GPC6: variants seen among roughly 807,000 people sequenced by gnomAD.
GPC6 encodes the protein glypican 6, also known as glypican-6.
GPC6 carries 14 observed loss-of-function variants against 55.2 expected under a neutral mutation model. The ratio of observed to expected loss-of-function variants is 0.25; its 90% CI spans 0.17 to 0.40. GPC6 has a LOEUF of 0.40. GPC6 is among the 10% of genes least tolerant of loss of function. The pLI, the probability that GPC6 is intolerant of heterozygous loss-of-function variation, is 1.00. For synonymous variants in GPC6, 278 were observed against 259.6 expected (o/e 1.07, Z -0.68); for missense variants, 641 against 708.5 (o/e 0.90, Z 1.08).
At chr13:93,636,927 GT>G (rs11299933) in intron 2 of GPC6, among the ~76,000 whole-genome samples, 46,274 of 145,040 alleles carry the variant, frequency 0.32, 7,155 homozygotes, top group African/African-American at 0.35. Context: ...TAATGGTATA[GT>G]TTTTTTTTTT....
chr13:93,979,991 C>T (rs1044361709), intron 3 of GPC6, among the ~76,000 whole-genome samples: 21 of 152,142 alleles, frequency 1.4e-4, no homozygotes, highest in Admixed American at 2.6e-4. Flanking sequence ...CAGCTACTTA[C>T]ATCAGAGCTT....
chr13:93,635,675 G>T (rs994178293), intron 2 of GPC6, among the ~76,000 whole-genome samples: 1 of 152,160 alleles, frequency 6.6e-6, no homozygotes, highest in African/African-American at 2.4e-5. Flanking sequence ...CCCACAGTGA[G>T]ATCTGCCCAG....
chr13:94,253,941 G>A (rs1408502667), intron 4 of GPC6, among the ~76,000 whole-genome samples: 1 of 152,048 alleles, frequency 6.6e-6, no homozygotes, highest in Non-Finnish European at 1.5e-5. Context: ...AGTCTCTTAG[G>A]TTGGTAGCAC....
intron 2 of GPC6, among the ~76,000 whole-genome samples, chr13:93,631,462 C>G (rs1293446632): frequency 6.6e-6 from 1 of 152,152 alleles, no homozygotes; most frequent in African/African-American, 2.4e-5. Context: ...GCCTCCAGAA[C>G]CACAAGAAAT....
At chr13:94,206,417 G>T (rs1339244431) in intron 4 of GPC6, among the ~76,000 whole-genome samples, 1 of 152,126 alleles carries the variant, frequency 6.6e-6, no homozygotes, top group East Asian at 1.9e-4. Context: ...GTCTTCAGTA[G>T]TGTTCGTTTA....
chr13:93,319,885 T>G (rs942238686), intron 1 of GPC6, among the ~76,000 whole-genome samples: 3 of 151,944 alleles, frequency 2.0e-5, no homozygotes, highest in Admixed American at 2.0e-4. Context: ...CCAAGTGACA[T>G]AGGATATACA....
chr13:93,910,748 T>A (rs955515907), intron 3 of GPC6, among the ~76,000 whole-genome samples: 2 of 152,298 alleles, frequency 1.3e-5, no homozygotes, highest in East Asian at 3.9e-4. Context: ...CCCCCAACCC[T>A]TAATCCAGTC....
intron 3 of GPC6, among the ~76,000 whole-genome samples, chr13:93,843,005 T>G (rs958890734): frequency 1.3e-5 from 2 of 152,020 alleles, no homozygotes; most frequent in African/African-American, 4.8e-5. Context: ...TGCAAAATTA[T>G]GTGTGCTGTT....
chr13:94,258,717 A>G (rs1301564734), intron 4 of GPC6, among the ~76,000 whole-genome samples: 2 of 152,246 alleles, frequency 1.3e-5, no homozygotes, highest in Non-Finnish European at 2.9e-5. Context: ...ATTCACAGAC[A>G]CAGGCTGGTT....
chr13:94,335,036 T>G (rs906541090), intron 6 of GPC6, among the ~76,000 whole-genome samples: 1 of 152,200 alleles, frequency 6.6e-6, no homozygotes, highest in Admixed American at 6.5e-5. Context: ...TTATTACTCA[T>G]GGGCTTGGTC....
intron 3 of GPC6, among the ~76,000 whole-genome samples, chr13:93,993,910 A>G (rs569359199): frequency 1.6e-4 from 25 of 152,300 alleles, no homozygotes; most frequent in African/African-American, 5.8e-4. Context: ...TGTATGTGGG[A>G]ATATTTATAT....
intron 3 of GPC6, among the ~76,000 whole-genome samples, chr13:94,022,752 G>C (rs990116176): frequency 6.6e-6 from 1 of 151,984 alleles, no homozygotes; most frequent in African/African-American, 2.4e-5. Context: ...GCCAACACTT[G>C]TTATCATCTG....
chr13:93,726,401 A>G (rs966393636), intron 2 of GPC6, among the ~76,000 whole-genome samples: 1 of 151,798 alleles, frequency 6.6e-6, no homozygotes, highest in Admixed American at 6.6e-5. Flanking sequence ...AACCTTCCTA[A>G]CCCAAACCAG....
rs117920197 is a variant in GPC6, at chr13:94,272,092, A to C, written c.878-14257A>C. 5.0e-3 allele frequency among the ~76,000 whole-genome samples: 754 copies of C among 152,158 alleles called. 3 individuals carry two copies. The highest frequency in any genetic ancestry group is 0.01 in the Middle Eastern group (3 of 292). ...AGCAATAAAATAATAAAATATATAT[A>C]TCTTTTCAATAATACCAGTATGCAC... On this transcript the variant is annotated intron_variant, in intron 4 of 8. Transcript: ENST00000377047.
chr13:93,781,240 C>A (rs1292634665), intron 2 of GPC6, among the ~76,000 whole-genome samples: 1 of 150,140 alleles, frequency 6.7e-6, no homozygotes, highest in Non-Finnish European at 1.5e-5. Context: ...CGCGCCACTG[C>A]ACTCCAGCCT....
At chr13:93,890,480 A>G (rs1172423341) in intron 3 of GPC6, among the ~76,000 whole-genome samples, 3 of 152,104 alleles carry the variant, frequency 2.0e-5, no homozygotes, top group Non-Finnish European at 4.4e-5. Context: ...TGAGTCAAAA[A>G]CATATGCATA....
At chr13:94,372,887 C>T (rs1879640909) in intron 6 of GPC6, among the ~76,000 whole-genome samples, 1 of 152,088 alleles carries the variant, frequency 6.6e-6, no homozygotes, top group South Asian at 2.1e-4. Context: ...AGACTGCCTC[C>T]TCAAGTGGGT....
At chr13:93,339,334 T>C (rs1880155084) in intron 1 of GPC6, among the ~76,000 whole-genome samples, 1 of 151,742 alleles carries the variant, frequency 6.6e-6, no homozygotes, top group Admixed American at 6.6e-5. Flanking sequence ...ATGGCTCTCC[T>C]TCTCTGTATT....
chr13:93,647,060 T>C (rs540868926), intron 2 of GPC6, among the ~76,000 whole-genome samples: 4 of 152,254 alleles, frequency 2.6e-5, no homozygotes, highest in South Asian at 4.1e-4. Context: ...CATCAAGATA[T>C]GGTCTTTGAA....
Sources: gnomAD v4.1 joint callset for allele counts (sites outside exome capture counted in the v4.1 genomes callset) on GRCh38, gnomAD v4.1.1 for gene constraint, MANE v1.5 for transcripts, NCBI Gene and HGNC (gene_info 2026-07-23, HGNC 2026-07-21) for gene names.